FHIT: variants seen among roughly 807,000 people sequenced by gnomAD.
FHIT encodes the protein bis(5'-adenosyl)-triphosphatase.
A neutral mutation model predicts 17.9 loss-of-function variants in FHIT; 19 were observed. That is an observed-to-expected ratio of 1.06 (90% CI 0.74 to 1.56). The LOEUF (loss-of-function observed/expected upper bound fraction) is 1.56, where lower values mean the gene tolerates loss of function less well. FHIT is among the 40% of genes most tolerant of loss of function. The pLI is 0.00. For missense variants in FHIT, 248 were observed against 189.2 expected (o/e 1.31, Z -1.82); for synonymous variants, 81 against 69.7 (o/e 1.16, Z -0.81).
chr3:59,947,778 C>T lies in FHIT; in HGVS notation c.280-25364G>A, dbSNP rs1171309901. On this transcript the variant is annotated intron_variant, in intron 7 of 9. Coordinates refer to ENST00000492590, the MANE Select transcript of FHIT (RefSeq NM_002012.4). ...CTGACAGAGGATGCTGGCCAAAGCA[C>T]TTCACTGGGGCAGTGGCAGCAGGAT... Among the ~76,000 whole-genome samples the T allele has an allele frequency of 2.0e-5, 3 of 152,182 alleles. No homozygotes were observed. The East Asian group carries it at 5.8e-4, about 29-fold the overall frequency.
chr3:60,558,061 C>T (rs538607065), intron 4 of FHIT, among the ~76,000 whole-genome samples: 14 of 152,142 alleles, frequency 9.2e-5, no homozygotes, highest in South Asian at 4.2e-4. Context: ...AAGACCCCTA[C>T]GCCAAGAGTC....
chr3:61,161,580 G>A (rs189774894), intron 2 of FHIT, among the ~76,000 whole-genome samples: 3 of 152,230 alleles, frequency 2.0e-5, no homozygotes, highest in East Asian at 1.9e-4. Context: ...CACTGCTATC[G>A]CCTATAGGCA....
intron 5 of FHIT, among the ~76,000 whole-genome samples, chr3:60,533,769 A>G (rs968446555): frequency 4.6e-5 from 7 of 152,214 alleles, no homozygotes; most frequent in African/African-American, 1.7e-4. Flanking sequence ...CTGAGCCAGT[A>G]CAATGAAGGT....
chr3:59,789,081 A>G, intron 8 of FHIT, among the ~76,000 whole-genome samples: 1 of 152,210 alleles, frequency 6.6e-6, no homozygotes, highest in South Asian at 2.1e-4. Flanking sequence ...AATTTAATTA[A>G]AAATATAACA....
chr3:61,174,721 T>G (rs1352045607), intron 2 of FHIT, among the ~76,000 whole-genome samples: 2 of 152,256 alleles, frequency 1.3e-5, no homozygotes, highest in Non-Finnish European at 2.9e-5. Context: ...AGCAGATTAT[T>G]TGTACACATT....
intron 5 of FHIT, among the ~76,000 whole-genome samples, chr3:60,433,540 G>A (rs568976765): frequency 1.3e-5 from 2 of 152,004 alleles, no homozygotes; most frequent in South Asian, 4.1e-4. Flanking sequence ...CAACTGTTTA[G>A]AAGGATTCCA....
intron 4 of FHIT, among the ~76,000 whole-genome samples, chr3:60,652,824 T>C (rs782514761): frequency 1.1e-4 from 16 of 151,316 alleles, no homozygotes; most frequent in Non-Finnish European, 2.4e-4. Flanking sequence ...GCAGGAGAAT[T>C]GCTTGAACCT....
At chr3:60,942,035 T>C (rs1553774657) in intron 3 of FHIT, among the ~76,000 whole-genome samples, 4 of 152,136 alleles carry the variant, frequency 2.6e-5, no homozygotes. Flanking sequence ...TCGCCCAGGG[T>C]GGTACAATGG....
intron 5 of FHIT, among the ~76,000 whole-genome samples, chr3:60,476,605 C>A (rs374193249): frequency 6.2e-4 from 95 of 152,156 alleles, no homozygotes; most frequent in African/African-American, 2.1e-3. Flanking sequence ...AGCTGGTTCT[C>A]AGGAGGGGTA....
chr3:60,282,102 G>C (rs970684619), intron 5 of FHIT, among the ~76,000 whole-genome samples: 36 of 152,166 alleles, frequency 2.4e-4, no homozygotes, highest in African/African-American at 8.7e-4. Context: ...CAGTTTTACA[G>C]TTTCTTATAA....
chr3:60,109,225 G>T (rs914561820), intron 5 of FHIT, among the ~76,000 whole-genome samples: 6 of 152,002 alleles, frequency 3.9e-5, no homozygotes, highest in African/African-American at 1.4e-4. Context: ...TATTAAAATG[G>T]GCCTGATTTT....
chr3:60,948,351 A>C (rs569696393), intron 3 of FHIT, among the ~76,000 whole-genome samples: 2 of 152,320 alleles, frequency 1.3e-5, no homozygotes, highest in African/African-American at 4.8e-5. Flanking sequence ...GGGTCCCTAC[A>C]GATTTATGCT....
intron 5 of FHIT, among the ~76,000 whole-genome samples, chr3:60,147,973 C>T (rs1034236870): frequency 6.6e-6 from 1 of 152,140 alleles, no homozygotes; most frequent in African/African-American, 2.4e-5. Context: ...GTTATTTTCA[C>T]TGGTGAAGGG....
At chr3:60,661,056 T>G (rs1418729300) in intron 4 of FHIT, among the ~76,000 whole-genome samples, 1 of 152,048 alleles carries the variant, frequency 6.6e-6, no homozygotes, top group Non-Finnish European at 1.5e-5. Context: ...TTTTTTTATT[T>G]TTATTTTTTA....
chr3:60,449,069 C>A (rs746568569), intron 5 of FHIT, among the ~76,000 whole-genome samples: 1 of 152,156 alleles, frequency 6.6e-6, no homozygotes, highest in Non-Finnish European at 1.5e-5. Context: ...TGGAAAAATT[C>A]CAGATCTGGC....
At chr3:61,019,706 T>C (rs1477157980) in intron 3 of FHIT, among the ~76,000 whole-genome samples, 1 of 152,176 alleles carries the variant, frequency 6.6e-6, no homozygotes, top group Non-Finnish European at 1.5e-5. Flanking sequence ...CTTTAAACAT[T>C]ACACAGGAAC....
chr3:60,772,517 T>A (rs1700079690), intron 4 of FHIT, among the ~76,000 whole-genome samples: 1 of 152,132 alleles, frequency 6.6e-6, no homozygotes, highest in Non-Finnish European at 1.5e-5. Flanking sequence ...CGGGGAGATC[T>A]GATCTAGCCC....
intron 5 of FHIT, among the ~76,000 whole-genome samples, chr3:60,158,196 T>A (rs1700785607): frequency 6.6e-6 from 1 of 152,154 alleles, no homozygotes; most frequent in Non-Finnish European, 1.5e-5. Context: ...AACCTGGCAC[T>A]CATAGCCAGG....
chr3:61,138,703 G>A (rs1431245627), intron 2 of FHIT, among the ~76,000 whole-genome samples: 2 of 152,166 alleles, frequency 1.3e-5, no homozygotes, highest in Non-Finnish European at 2.9e-5. Context: ...ATGTGGCTTG[G>A]CTCTGGGGCC....
Sources: allele counts gnomAD v4.1 joint callset (sites outside exome capture counted in the v4.1 genomes callset), GRCh38; gene constraint gnomAD v4.1.1; transcripts MANE v1.5; gene names NCBI Gene and HGNC (gene_info 2026-07-23, HGNC 2026-07-21).